The following SERINC1 variants were observed in gnomAD, a reference collection of about 807,000 sequenced individuals.
SERINC1 encodes serine incorporator 1, also known as tumor differentially expressed protein 2.
A neutral mutation model predicts 52.9 loss-of-function variants in SERINC1; 38 were observed. The ratio of observed to expected loss-of-function variants is 0.72; its 90% confidence interval spans 0.55 to 0.94. SERINC1 has a LOEUF of 0.94. Ranked by LOEUF, SERINC1 falls within the 40% of genes least tolerant of loss-of-function variation. The pLI is 0.00. For missense variants in SERINC1, 471 were observed against 533.9 expected (o/e 0.88, Z 1.16); for synonymous variants, 198 against 183.1 (o/e 1.08, Z -0.66).
At chr6:122,458,304 T>C (rs73541154) in intron 2 of SERINC1, among the ~76,000 whole-genome samples, 11 of 152,304 alleles carry the variant, frequency 7.2e-5, no homozygotes, top group African/African-American at 2.2e-4. Context: ...TATACTTCTT[T>C]CTGTGTATTA....
At chr6:122,467,854 T>C (rs746094201) in intron 1 of SERINC1, among the ~76,000 whole-genome samples, 18 of 152,000 alleles carry the variant, frequency 1.2e-4, no homozygotes, top group Admixed American at 2.6e-4. Flanking sequence ...TTGGTGGGGG[T>C]AGGGATGAGG....
intron 2 of SERINC1, among the ~76,000 whole-genome samples, chr6:122,457,841 A>G (rs17201572): frequency 0.034 from 5,136 of 151,574 alleles, 102 homozygotes; most frequent in Non-Finnish European, 0.046. Context: ...ACGATACAAT[A>G]CCACCAAGTC....
chr6:122,451,037 A>G (rs927904851), intron 7 of SERINC1, among the ~76,000 whole-genome samples: 1 of 152,172 alleles, frequency 6.6e-6, no homozygotes, highest in African/African-American at 2.4e-5. Context: ...TTTGGAAGGA[A>G]ATTCTACTCT....
intron 9 of SERINC1, among the ~76,000 whole-genome samples, chr6:122,445,954 A>G (rs1334059365): frequency 2.0e-5 from 3 of 151,594 alleles, no homozygotes; most frequent in Admixed American, 2.0e-4. Context: ...ATTAAAAAAT[A>G]TATATACTTT....
chr6:122,463,149 T>C (rs1429180564), intron 1 of SERINC1, among the ~76,000 whole-genome samples: 1 of 152,202 alleles, frequency 6.6e-6, no homozygotes, highest in Non-Finnish European at 1.5e-5. Flanking sequence ...AATAGATTCA[T>C]GCAAATATAA....
chr6:122,454,045 CA>C, intron 4 of SERINC1, 105 bp downstream of exon 4: 20 of 1,129,842 alleles, frequency 1.8e-5, no homozygotes, highest in Middle Eastern at 2.0e-4. Flanking sequence ...AACACACACA[CA>C]CACACCCCCA....
chr6:122,454,050 A>C (rs499825), intron 4 of SERINC1, 101 bp downstream of exon 4: 814,634 of 1,031,478 alleles, frequency 0.79, 318,389 homozygotes, highest in South Asian at 0.88. Context: ...ACACACACAC[A>C]CCCCCAAACA....
intron 7 of SERINC1, among the ~76,000 whole-genome samples, chr6:122,447,773 C>T (rs1352357737): frequency 6.6e-6 from 1 of 151,996 alleles, no homozygotes; most frequent in Non-Finnish European, 1.5e-5. Flanking sequence ...TGGAAATTAC[C>T]CAATAAAGTA....
At position 122,445,883 on chromosome 6, in the gene SERINC1, CAAAAAA is replaced by C. The variant is rs71018202; in HGVS notation, c.1227-710_1227-705del. On this transcript the variant is annotated intron_variant, in intron 9 of 9. Transcript: ENST00000339697. ...TGGGTGACAGAGCAAGACTCCATTT[CAAAAAA>C]AAAAAAAAAAAGAACCAGCTGGATT... Among the ~76,000 whole-genome samples, 19 of 62,830 alleles carry C rather than the reference CAAAAAA, an allele frequency of 3.0e-4. No individual in the cohort carries two copies. The Middle Eastern group carries it at 0.051, about 170-fold the overall frequency. 41.2% of individuals were successfully genotyped at this position (62,830 alleles called of 152,430 possible). A position where few individuals can be genotyped will look rare whatever the true frequency, so the allele number is the denominator to read the frequency against.
rs963517708 is a variant in SERINC1 at position 122,471,794 on chromosome 6, G to C, written c.-57C>G. ...ACAAGATGGAGACAGCTTCTTTCTC[G>C]CCTTTCCGAGATTATTTACTATCTG... On this transcript the variant is annotated 5_prime_UTR_variant, in exon 1 of 10. Coordinates refer to ENST00000339697, the MANE Select transcript of SERINC1 (RefSeq NM_020755.4). 7.4e-6 allele frequency: 12 copies of C among 1,611,914 alleles called. No homozygotes were observed. The highest frequency in any genetic ancestry group is 1.1e-5 in the South Asian group (1 of 91,022).
chr6:122,449,214 A>G (rs1774862208), intron 7 of SERINC1, among the ~76,000 whole-genome samples: 1 of 152,218 alleles, frequency 6.6e-6, no homozygotes, highest in South Asian at 2.1e-4. Flanking sequence ...TTCAAGTAAA[A>G]GAGTCCCCTT....
chr6:122,461,515 G>A (rs552219289), intron 1 of SERINC1, among the ~76,000 whole-genome samples: 169 of 148,614 alleles, frequency 1.1e-3, no homozygotes, highest in African/African-American at 4.0e-3. Context: ...TGGTGGGGTT[G>A]GGGGAGGGGG....
At chr6:122,452,588 G>A (rs1774930616) in intron 5 of SERINC1, among the ~76,000 whole-genome samples, 1 of 152,100 alleles carries the variant, frequency 6.6e-6, no homozygotes, top group Admixed American at 6.6e-5. Context: ...CTTTTTCTAT[G>A]TAAATTTCAA....
chr6:122,454,243 G>A lies in SERINC1; in HGVS notation c.372-13C>T. 1 of 1,408,422 alleles carries A rather than the reference G, an allele frequency of 7.1e-7. No homozygotes were observed. The highest frequency in any genetic ancestry group is 9.8e-7 in the Non-Finnish European group (1 of 1,020,750). 87.2% of individuals were successfully genotyped at this position (1,408,422 alleles called of 1,614,324 possible). A position where few individuals can be genotyped will look rare whatever the true frequency, so the allele number is the denominator to read the frequency against. ...AAAGAACCAAAATCTAAAACAAAAA[G>A]AAATATAATTTTTTATTAATAGACA... On this transcript the variant is annotated splice_polypyrimidine_tract_variant and intron_variant, in intron 3 of 9. Transcript: ENST00000339697.
At chr6:122,457,050 A>G (rs947324654) in intron 2 of SERINC1, among the ~76,000 whole-genome samples, 2 of 151,654 alleles carry the variant, frequency 1.3e-5, no homozygotes, top group Non-Finnish European at 2.9e-5. Context: ...ATTTCCTCCC[A>G]CTCTTTCCAG....
At chr6:122,464,734 G>A (rs77107776) in intron 1 of SERINC1, among the ~76,000 whole-genome samples, 4,549 of 152,254 alleles carry the variant, frequency 0.03, 115 homozygotes, top group Non-Finnish European at 0.043. Flanking sequence ...TCAATTAGGA[G>A]ATGACATTAA....
rs373205438 is a variant in SERINC1, at chr6:122,447,645, C to CAT, written c.851-382_851-381dup. Among the ~76,000 whole-genome samples, 395 of 152,190 alleles carry CAT rather than the reference C, an allele frequency of 2.6e-3. 3 individuals carry two copies. The highest frequency in any genetic ancestry group is 9.0e-3 in the African/African-American group (373 of 41,520). On this transcript the variant is annotated intron_variant, in intron 7 of 9. Coordinates refer to ENST00000339697, the MANE Select transcript of SERINC1 (RefSeq NM_020755.4). ...AACCACAATGCACTGGCTTTTCTAT[C>CAT]ATATGTTGAGATTATGATACAGACT...
rs1402157333 is a variant in SERINC1, at chr6:122,444,740, T to C, written c.*304A>G. The C allele has an allele frequency of 8.2e-6, 2 of 242,956 alleles. No homozygotes were observed. The highest frequency in any genetic ancestry group is 1.1e-4 in the South Asian group (1 of 9,240). 15.1% of individuals were successfully genotyped at this position (242,956 alleles called of 1,614,324 possible). A position where few individuals can be genotyped will look rare whatever the true frequency, so the allele number is the denominator to read the frequency against. On this transcript the variant is annotated 3_prime_UTR_variant, in exon 10 of 10. Coordinates refer to ENST00000339697, the MANE Select transcript of SERINC1 (RefSeq NM_020755.4). ...CTTAAGGTCTAATATAATTTTAAAATAGTCAAACAAATTTGTTTTTACTCT... is the reference window on the plus strand; with the variant it reads ...CTTAAGGTCTAATATAATTTTAAAACAGTCAAACAAATTTGTTTTTACTCT...
At chr6:122,466,465 G>A (rs529465481) in intron 1 of SERINC1, among the ~76,000 whole-genome samples, 3 of 151,984 alleles carry the variant, frequency 2.0e-5, no homozygotes, top group Admixed American at 6.6e-5. Context: ...TCACAGATAC[G>A]CTGGGTGTAG....
Sources: allele counts gnomAD v4.1 joint callset (sites outside exome capture counted in the v4.1 genomes callset), GRCh38; gene constraint gnomAD v4.1.1; transcripts MANE v1.5; gene names NCBI Gene and HGNC (gene_info 2026-07-23, HGNC 2026-07-21).